CCDC127: variants seen among roughly 807,000 people sequenced by gnomAD.
CCDC127 encodes the protein coiled-coil domain-containing protein 127.
A neutral mutation model predicts 4.1 loss-of-function variants in CCDC127; 2 were observed. That is an observed-to-expected ratio of 0.49 (90% CI 0.20 to 1.53). The LOEUF (loss-of-function observed/expected upper bound fraction) is 1.53, where lower values mean the gene tolerates loss of function less well. CCDC127 is among the 40% of genes most tolerant of loss of function. The pLI is 0.23. For synonymous variants in CCDC127, 98 were observed against 120.4 expected (o/e 0.81, Z 1.22); for missense variants, 271 against 322.9 (o/e 0.84, Z 1.23).
At chr5:216,986 C>G (rs1395724298) in intron 1 of CCDC127, 127 bp from the exon 2 acceptor site, 12 of 540,660 alleles carry the variant, frequency 2.2e-5, no homozygotes, top group Non-Finnish European at 3.9e-5. Flanking sequence ...TAGACCAGAG[C>G]CGGGCATGGT....
In CCDC127 at chr5:197,940, T is replaced by C. The variant is rs896265303; in HGVS notation, c.*7357A>G. 1.5e-5 allele frequency: 2 copies of C among 135,530 alleles called. No individual in the cohort carries two copies. The highest frequency in any genetic ancestry group is 5.5e-5 in the African/African-American group (2 of 36,038). 8.4% of individuals were successfully genotyped at this position (135,530 alleles called of 1,614,324 possible). Reference sequence around the variant, plus strand: ...CCCCGTGTCTCCCCCTCCCGGAGTGTGTCCCCACCCCAATGGTCCCCGTGT... The same window carrying C: ...CCCCGTGTCTCCCCCTCCCGGAGTGCGTCCCCACCCCAATGGTCCCCGTGT... On this transcript the variant is annotated 3_prime_UTR_variant, in exon 3 of 3. Transcript: ENST00000296824.
Position 200,836 on chromosome 5 carries a change from C to T in CCDC127, c.*4461G>A, listed in dbSNP as rs1216040723. The stretch of plus-strand genomic sequence containing the variant: ...CAAGGCAGACGGAGCAAGCCCAGCA[C>T]TTTCTACACAGCAGGCTGCCCCCAT... On this transcript the variant is annotated 3_prime_UTR_variant, in exon 3 of 3. Transcript: ENST00000296824. 1.3e-5 allele frequency: 2 copies of T among 152,338 alleles called. No homozygotes were observed. Among genetic ancestry groups the T allele is most frequent in the Non-Finnish European group, 2.9e-5 (2 of 68,252 alleles). The allele number at this position is 152,338 out of a possible 1,614,324, so 9.4% of individuals were successfully genotyped here.
At chr5:213,552 A>T (rs1447434761) in intron 2 of CCDC127, among the ~76,000 whole-genome samples, 1 of 145,760 alleles carries the variant, frequency 6.9e-6, no homozygotes, top group Non-Finnish European at 1.5e-5. Flanking sequence ...CACTGCAGCC[A>T]CGACGAGACA....
rs547398127 is a variant in CCDC127 at position 205,660 on chromosome 5, C to G, written c.420G>C (p.Ala140=). The G allele has an allele frequency of 6.2e-7, 1 of 1,614,080 alleles. No homozygotes were observed. The highest frequency in any genetic ancestry group is 1.3e-5 in the African/African-American group (1 of 74,922). The change falls in exon 3 of 3, where the codon GCG becomes GCC. Residue 140 remains alanine (A), a synonymous_variant. Transcript: ENST00000296824. Reference sequence around the variant, plus strand: ...CTTCCCTTTGCAGGCAGCTCAAATACGCACTTCTCAAAGGCTGCACCTGTC... The same window carrying G: ...CTTCCCTTTGCAGGCAGCTCAAATAGGCACTTCTCAAAGGCTGCACCTGTC... ...EKRQVQPLRS[A]YLSCLQREEN...
chr5:213,593 G>A lies in CCDC127; in HGVS notation c.121+3136C>T, dbSNP rs148063272. Reference sequence around the variant, plus strand: ...ACACACCCATCAGGATGGGGCAGACGGGACAGCAGTGTGAGCACGCTGATG... The same window carrying A: ...ACACACCCATCAGGATGGGGCAGACAGGACAGCAGTGTGAGCACGCTGATG... On this transcript the variant is annotated intron_variant, in intron 2 of 2. Coordinates refer to ENST00000296824, the MANE Select transcript of CCDC127 (RefSeq NM_145265.3). Among the ~76,000 whole-genome samples, 646 of 140,334 alleles carry A rather than the reference G, an allele frequency of 4.6e-3. 2 individuals are homozygous for A. The highest frequency in any genetic ancestry group is 6.1e-3 in the Non-Finnish European group (397 of 64,644). 92.1% of individuals were successfully genotyped at this position (140,334 alleles called of 152,430 possible).
At position 205,271 on chromosome 5, in the gene CCDC127, A is replaced by G. The variant is rs1158110274; in HGVS notation, c.*26T>C. On this transcript the variant is annotated 3_prime_UTR_variant, in exon 3 of 3. Transcript: ENST00000296824. ...CATGACTGCCTGGCCTCGAGTCACT[A>G]AAAGCAGTTTGATTTCACTCTTGTC... 1 of 1,583,852 alleles carries G rather than the reference A, an allele frequency of 6.3e-7. No individual in the cohort carries two copies. The highest frequency in any genetic ancestry group is 8.6e-7 in the Non-Finnish European group (1 of 1,162,534).
In CCDC127 at chr5:203,830, A is replaced by C. The variant is rs1734117431; in HGVS notation, c.*1467T>G. 1 of 152,232 alleles carries C rather than the reference A, an allele frequency of 6.6e-6. No individual in the cohort carries two copies. The highest frequency in any genetic ancestry group is 2.4e-5 in the African/African-American group (1 of 41,452). The allele number at this position is 152,232 out of a possible 1,614,324, so 9.4% of individuals were successfully genotyped here. A position where few individuals can be genotyped will look rare whatever the true frequency, so the allele number is the denominator to read the frequency against. On this transcript the variant is annotated 3_prime_UTR_variant, in exon 3 of 3. Coordinates refer to ENST00000296824, the MANE Select transcript of CCDC127 (RefSeq NM_145265.3). ...AGGTTAGCTCTTCCACATCTCCGTA[A>C]AGTGAGGTGCGTGGTGACGAATTCA... is the stretch of plus-strand genomic sequence containing the variant.
rs1040132255 is a variant in CCDC127, at chr5:199,170, T to C, written c.*6127A>G. 6.6e-6 allele frequency: 1 copy of C among 152,324 alleles called. No individual in the cohort carries two copies. The highest frequency in any genetic ancestry group is 1.5e-5 in the Non-Finnish European group (1 of 68,196). 9.4% of individuals were successfully genotyped at this position (152,324 alleles called of 1,614,324 possible). A position where few individuals can be genotyped will look rare whatever the true frequency, so the allele number is the denominator to read the frequency against. On this transcript the variant is annotated 3_prime_UTR_variant, in exon 3 of 3. Transcript: ENST00000296824. ...TCCTGTCCACCATCCTGGCAAGGAG[T>C]GGGGGCCGTTTTAGGGGCTCCAACT...
chr5:201,336 C>T lies in CCDC127; in HGVS notation c.*3961G>A, dbSNP rs1734071765. 1 of 152,224 alleles carries T rather than the reference C, an allele frequency of 6.6e-6. No homozygotes were observed. The highest frequency in any genetic ancestry group is 2.1e-4 in the South Asian group (1 of 4,834). 9.4% of individuals were successfully genotyped at this position (152,224 alleles called of 1,614,324 possible). A position where few individuals can be genotyped will look rare whatever the true frequency, so the allele number is the denominator to read the frequency against. On this transcript the variant is annotated 3_prime_UTR_variant, in exon 3 of 3. Transcript: ENST00000296824. ...TCTCCCTTCTGCTTAAAGAGATGAT[C>T]TTAGTACACTATGAAGCAATCACTT... is the stretch of plus-strand genomic sequence containing the variant.
rs1399857299 is a variant in CCDC127, at chr5:204,953, T to C, written c.*344A>G. 5.4e-6 allele frequency: 1 copy of C among 185,090 alleles called. No individual in the cohort carries two copies. The highest frequency in any genetic ancestry group is 2.3e-5 in the African/African-American group (1 of 42,768). 11.5% of individuals were successfully genotyped at this position (185,090 alleles called of 1,614,324 possible). On this transcript the variant is annotated 3_prime_UTR_variant, in exon 3 of 3. Transcript: ENST00000296824. Reference sequence around the variant, plus strand: ...AGGGAGTGATGAAACAGACAGAAAATTACTTGTGGTAAGGACCAGTATTGT... The same window carrying C: ...AGGGAGTGATGAAACAGACAGAAAACTACTTGTGGTAAGGACCAGTATTGT...
rs1233744334 is a variant in CCDC127 at position 197,287 on chromosome 5, G to A, written c.*8010C>T. ...TCCCAGCGGCGAGCAGGAGACAGTG[G>A]ACTTCTCTCTCTCAACTGCAAGAGG... On this transcript the variant is annotated 3_prime_UTR_variant, in exon 3 of 3. Coordinates refer to ENST00000296824, the MANE Select transcript of CCDC127 (RefSeq NM_145265.3). 1 of 152,170 alleles carries A rather than the reference G, an allele frequency of 6.6e-6. No individual in the cohort carries two copies. The highest frequency in any genetic ancestry group is 1.5e-5 in the Non-Finnish European group (1 of 68,034). 9.4% of individuals were successfully genotyped at this position (152,170 alleles called of 1,614,324 possible).
intron 2 of CCDC127, among the ~76,000 whole-genome samples, chr5:209,681 C>A (rs1003535218): frequency 1.3e-5 from 2 of 151,908 alleles, no homozygotes; most frequent in East Asian, 3.9e-4. Flanking sequence ...CATTCCACAA[C>A]ACATAGGACT....
chr5:216,147 C>T (rs1734376918), intron 2 of CCDC127: 1 of 151,372 alleles, frequency 6.6e-6, no homozygotes, highest in Admixed American at 6.5e-5. Flanking sequence ...ACCTCCCAGG[C>T]TCCACTGATC....
Position 218,133 on chromosome 5 carries a change from C to T in CCDC127, c.-51G>A. Reference sequence around the variant, plus strand: ...CGGGACCTCAGCGTTCCCTTAACGCCACCGTCCGCGGGTCCGCTTTGCGCA... The same window carrying T: ...CGGGACCTCAGCGTTCCCTTAACGCTACCGTCCGCGGGTCCGCTTTGCGCA... On this transcript the variant is annotated 5_prime_UTR_variant, in exon 1 of 3. Coordinates refer to ENST00000296824, the MANE Select transcript of CCDC127 (RefSeq NM_145265.3). The T allele has an allele frequency of 4.0e-6, 5 of 1,235,600 alleles. No homozygotes were observed. Among genetic ancestry groups the T allele is most frequent in the Non-Finnish European group, 5.1e-6 (5 of 987,560 alleles). The allele number at this position is 1,235,600 out of a possible 1,614,324, so 76.5% of individuals were successfully genotyped here. A position where few individuals can be genotyped will look rare whatever the true frequency, so the allele number is the denominator to read the frequency against.
chr5:217,948 C>T (rs1036720676), intron 1 of CCDC127, 145 bp downstream of exon 1: 79 of 304,068 alleles, frequency 2.6e-4, no homozygotes, highest in African/African-American at 1.5e-3. Flanking sequence ...CTCCCGCCCA[C>T]CTCCGCGGAC....
In CCDC127 at chr5:197,156, A is replaced by AG. The variant is rs1323172048; in HGVS notation, c.*8140dup. On this transcript the variant is annotated 3_prime_UTR_variant, in exon 3 of 3. Coordinates refer to ENST00000296824, the MANE Select transcript of CCDC127 (RefSeq NM_145265.3). ...CATCTCAGCAGAGTAAAGAATAACA[A>AG]GGCAGCATTGCCGCAAACATGTCTC... 6.6e-6 allele frequency: 1 copy of AG among 152,120 alleles called. No individual in the cohort carries two copies. Among genetic ancestry groups the AG allele is most frequent in the East Asian group, 1.9e-4 (1 of 5,186 alleles). The allele number at this position is 152,120 out of a possible 1,614,324, so 9.4% of individuals were successfully genotyped here. A position where few individuals can be genotyped will look rare whatever the true frequency, so the allele number is the denominator to read the frequency against.
intron 2 of CCDC127, among the ~76,000 whole-genome samples, chr5:207,610 G>A (rs1734200558): frequency 6.6e-6 from 1 of 152,224 alleles, no homozygotes; most frequent in Non-Finnish European, 1.5e-5. Flanking sequence ...GGAGCCGGAT[G>A]TGCCTGGGGA....
chr5:217,143 G>C (rs1402981496), intron 1 of CCDC127: 5 of 179,434 alleles, frequency 2.8e-5, no homozygotes, highest in Admixed American at 5.9e-5. Flanking sequence ...CAAAAAAAAA[G>C]AAAAAGAAAA....
intron 2 of CCDC127, chr5:215,421 T>C (rs1443517445): frequency 2.6e-5 from 4 of 152,120 alleles, no homozygotes; most frequent in Non-Finnish European, 5.9e-5. Flanking sequence ...AAATGGAAAA[T>C]GAGTCACTTC....
Sources: gnomAD v4.1 joint callset for allele counts (sites outside exome capture counted in the v4.1 genomes callset) on GRCh38, gnomAD v4.1.1 for gene constraint, MANE v1.5 for transcripts, NCBI Gene and HGNC (gene_info 2026-07-23, HGNC 2026-07-21) for gene names.